The following PCDH7 variants were observed in gnomAD, a reference collection of about 807,000 sequenced individuals.
PCDH7 encodes the protein protocadherin 7.
Under a neutral mutation model 58.9 loss-of-function variants are expected in PCDH7, and 17 were observed. That is an observed-to-expected ratio of 0.29 (90% CI 0.20 to 0.43). The LOEUF is 0.43. PCDH7 is among the 20% of genes least tolerant of loss of function. The pLI is 1.00. For synonymous variants in PCDH7, 664 were observed against 616.4 expected (o/e 1.08, Z -1.14); for missense variants, 1,274 against 1,441.0 (o/e 0.88, Z 1.88).
intron 2 of PCDH7, among the ~76,000 whole-genome samples, chr4:30,948,105 AGT>A (rs1055470321): frequency 1.3e-5 from 2 of 151,870 alleles, no homozygotes; most frequent in African/African-American, 4.8e-5. Context: ...ATAAATTATC[AGT>A]GTTTTTCTGT....
At chr4:30,850,895 C>G (rs1179401461) in intron 1 of PCDH7, among the ~76,000 whole-genome samples, 2 of 152,096 alleles carry the variant, frequency 1.3e-5, no homozygotes, top group Non-Finnish European at 2.9e-5. Context: ...GCTGATCCTC[C>G]TTGGCTCCCT....
chr4:31,048,727 A>G (rs934743900), intron 3 of PCDH7, among the ~76,000 whole-genome samples: 12 of 151,114 alleles, frequency 7.9e-5, no homozygotes, highest in Admixed American at 2.6e-4. Flanking sequence ...GAGAGAGAGA[A>G]AAAAAAAAGG....
chr4:30,861,415 ATG>A (rs1334130584), intron 1 of PCDH7, among the ~76,000 whole-genome samples: 2 of 89,674 alleles, frequency 2.2e-5, no homozygotes, highest in African/African-American at 4.2e-5. Context: ...TAGTAACCAC[ATG>A]AGTGAAATAG....
At chr4:30,957,670 TC>T (rs1286978244) in intron 3 of PCDH7, among the ~76,000 whole-genome samples, 2 of 152,196 alleles carry the variant, frequency 1.3e-5, no homozygotes, top group Non-Finnish European at 2.9e-5. Context: ...TGACTTTTCT[TC>T]TTATATCTGA....
At chr4:30,751,761 T>C (rs1718553677) in intron 1 of PCDH7, among the ~76,000 whole-genome samples, 1 of 152,198 alleles carries the variant, frequency 6.6e-6, no homozygotes, top group Non-Finnish European at 1.5e-5. Flanking sequence ...AATTTTATTT[T>C]GAAGGAATTT....
At chr4:30,804,969 A>G (rs988383394) in intron 1 of PCDH7, among the ~76,000 whole-genome samples, 4 of 152,152 alleles carry the variant, frequency 2.6e-5, no homozygotes, top group African/African-American at 9.7e-5. Context: ...TACTCCACTG[A>G]CGTGGCCCTT....
chr4:31,007,574 T>C (rs1009526352), intron 3 of PCDH7, among the ~76,000 whole-genome samples: 4 of 150,466 alleles, frequency 2.7e-5, no homozygotes, highest in Non-Finnish European at 2.9e-5. Flanking sequence ...TTCTAGAAGA[T>C]ATGGTTTTAT....
chr4:31,135,179 A>G (rs1464542036), intron 3 of PCDH7, among the ~76,000 whole-genome samples: 1 of 152,094 alleles, frequency 6.6e-6, no homozygotes, highest in Admixed American at 6.5e-5. Flanking sequence ...AAAATAATGT[A>G]TTGCTAATTT....
chr4:30,782,626 C>G (rs1172606730), intron 1 of PCDH7, among the ~76,000 whole-genome samples: 1 of 152,136 alleles, frequency 6.6e-6, no homozygotes, highest in Non-Finnish European at 1.5e-5. Context: ...TTTTCCATGA[C>G]ATGGGAGCCC....
intron 3 of PCDH7, among the ~76,000 whole-genome samples, chr4:31,122,856 A>G (rs1269668763): frequency 6.6e-6 from 1 of 152,016 alleles, no homozygotes; most frequent in Non-Finnish European, 1.5e-5. Flanking sequence ...TAGATGACAG[A>G]GTACTAATTA....
Position 31,004,546 on chromosome 4 carries a change from C to CA in PCDH7, c.*7+54337dup, listed in dbSNP as rs541920529. On this transcript the variant is annotated intron_variant, in intron 3 of 3. Transcript: ENST00000509759. ...CCGACATGGTGAAACCCCATCTCTACAAAAAATACAAAAATTAGCTGATCA... is the reference window on the plus strand; with the variant it reads ...CCGACATGGTGAAACCCCATCTCTACAAAAAAATACAAAAATTAGCTGATCA... 8.6e-4 allele frequency among the ~76,000 whole-genome samples: 130 copies of CA among 151,980 alleles called. 1 individual carries two copies. Among genetic ancestry groups the CA allele is most frequent in the Admixed American group, 2.3e-3 (35 of 15,258 alleles).
intron 1 of PCDH7, among the ~76,000 whole-genome samples, chr4:30,799,194 T>G (rs1013294388): frequency 2.0e-5 from 3 of 152,196 alleles, no homozygotes; most frequent in Non-Finnish European, 4.4e-5. Flanking sequence ...GTTTTCTGTC[T>G]GATCTTTGAC....
intron 1 of PCDH7, among the ~76,000 whole-genome samples, chr4:30,880,936 T>C (rs73214920): frequency 0.031 from 4,752 of 152,210 alleles, 195 homozygotes; most frequent in African/African-American, 0.09. Context: ...TCTTTTGTTT[T>C]CCTTGCTTTA....
intron 3 of PCDH7, among the ~76,000 whole-genome samples, chr4:31,028,329 T>C (rs1754615546): frequency 6.6e-6 from 1 of 152,150 alleles, no homozygotes; most frequent in Non-Finnish European, 1.5e-5. Context: ...GCTTAATTAT[T>C]TAAATGTGAA....
rs150375962 is a variant in PCDH7 at position 31,114,112 on chromosome 4, G to A, written c.*8-28361G>A. Reference sequence around the variant, plus strand: ...GCCTCTCAAATTGCTGGAATTACACGCGTGAGCCACTGCAGCCGGCCTAAA... The same window carrying A: ...GCCTCTCAAATTGCTGGAATTACACACGTGAGCCACTGCAGCCGGCCTAAA... On this transcript the variant is annotated intron_variant, in intron 3 of 3. Coordinates refer to the PCDH7 transcript ENST00000509759. 6.3e-3 allele frequency among the ~76,000 whole-genome samples: 962 copies of A among 152,140 alleles called. 7 individuals are homozygous for A. The highest frequency in any genetic ancestry group is 0.021 in the African/African-American group (887 of 41,514).
chr4:30,875,642 C>T (rs1191632927), intron 1 of PCDH7, among the ~76,000 whole-genome samples: 1 of 152,094 alleles, frequency 6.6e-6, no homozygotes, highest in African/African-American at 2.4e-5. Context: ...CCTAAATAGA[C>T]TGAAAGCTTC....
At chr4:31,015,065 A>T (rs1486140719) in intron 3 of PCDH7, among the ~76,000 whole-genome samples, 2 of 152,204 alleles carry the variant, frequency 1.3e-5, no homozygotes, top group East Asian at 3.9e-4. Flanking sequence ...GTGTTTTTCC[A>T]TATCACCAAT....
intron 3 of PCDH7, among the ~76,000 whole-genome samples, chr4:31,120,817 C>G (rs1214724847): frequency 1.3e-5 from 2 of 152,074 alleles, no homozygotes; most frequent in Non-Finnish European, 2.9e-5. Flanking sequence ...GCTAGTTGAA[C>G]AAATCATTTG....
chr4:31,129,090 C>T (rs1171943698), intron 3 of PCDH7, among the ~76,000 whole-genome samples: 1 of 152,148 alleles, frequency 6.6e-6, no homozygotes, highest in African/African-American at 2.4e-5. Flanking sequence ...TTCATTCAAC[C>T]ATTCAACAGG....
Sources: allele counts gnomAD v4.1 joint callset (sites outside exome capture counted in the v4.1 genomes callset), GRCh38; gene constraint gnomAD v4.1.1; transcripts MANE v1.5; gene names NCBI Gene and HGNC (gene_info 2026-07-23, HGNC 2026-07-21).